The following RAD51B variants were observed in gnomAD, a reference collection of about 807,000 sequenced individuals.
RAD51B encodes the protein DNA repair protein RAD51 homolog 2.
A neutral mutation model predicts 42.2 loss-of-function variants in RAD51B; 38 were observed. The observed-to-expected ratio is 0.90, with a 90% CI of 0.70 to 1.18. The LOEUF is 1.18. Ranked by LOEUF, RAD51B falls within the 50% of genes most tolerant of loss-of-function variation. RAD51B has a pLI of 0.00. For synonymous variants in RAD51B, 154 were observed against 145.2 expected (o/e 1.06, Z -0.43); for missense variants, 373 against 400.7 (o/e 0.93, Z 0.59).
chr14:68,257,961 T>C (rs190858246), intron 7 of RAD51B, among the ~76,000 whole-genome samples: 9 of 152,340 alleles, frequency 5.9e-5, no homozygotes, highest in Admixed American at 5.9e-4. Flanking sequence ...CTGACATTTT[T>C]TGAACGCTTA....
intron 7 of RAD51B, among the ~76,000 whole-genome samples, chr14:68,244,974 C>A (rs2080465147): frequency 6.6e-6 from 1 of 152,154 alleles, no homozygotes; most frequent in African/African-American, 2.4e-5. Flanking sequence ...AGAAAAGCCC[C>A]ATGATGTTTC....
chr14:68,310,089 T>C (rs2139723086), intron 8 of RAD51B, among the ~76,000 whole-genome samples: 1 of 152,350 alleles, frequency 6.6e-6, no homozygotes, highest in East Asian at 1.9e-4. Context: ...GATATTCCTG[T>C]CTTCTATAAT....
At chr14:68,450,459 T>G (rs1179913431) in intron 9 of RAD51B, among the ~76,000 whole-genome samples, 1 of 152,136 alleles carries the variant, frequency 6.6e-6, no homozygotes, top group East Asian at 1.9e-4. Context: ...CCTCAGGTGA[T>G]CCACCCGCCT....
intron 10 of RAD51B, among the ~76,000 whole-genome samples, chr14:68,584,192 C>T (rs924356344): frequency 2.6e-5 from 4 of 152,154 alleles, no homozygotes; most frequent in Non-Finnish European, 5.9e-5. Flanking sequence ...CACTCCCTGA[C>T]TCTAATCCCC....
At chr14:68,525,714 A>G (rs1001967575) in intron 10 of RAD51B, among the ~76,000 whole-genome samples, 2 of 152,006 alleles carry the variant, frequency 1.3e-5, no homozygotes, top group African/African-American at 4.8e-5. Context: ...TTTCACACCC[A>G]CACTCGCCCC....
intron 7 of RAD51B, among the ~76,000 whole-genome samples, chr14:68,223,987 T>A (rs2079983697): frequency 6.6e-6 from 1 of 152,174 alleles, no homozygotes; most frequent in Admixed American, 6.5e-5. Context: ...CTCAGCCATG[T>A]TTTTTTGTTG....
chr14:68,297,859 A>G (rs2081644457), intron 8 of RAD51B, among the ~76,000 whole-genome samples: 1 of 152,238 alleles, frequency 6.6e-6, no homozygotes, highest in African/African-American at 2.4e-5. Context: ...AACAGAAGTC[A>G]GAGCCCCTCC....
intron 8 of RAD51B, among the ~76,000 whole-genome samples, chr14:68,315,520 T>C (rs1175335613): frequency 2.0e-5 from 3 of 152,068 alleles, no homozygotes; most frequent in Non-Finnish European, 4.4e-5. Context: ...TTTAGGTTTT[T>C]TTTCTTTTTT....
chr14:68,566,226 A>G (rs1889412171), intron 10 of RAD51B, among the ~76,000 whole-genome samples: 1 of 152,198 alleles, frequency 6.6e-6, no homozygotes. Context: ...CTCTGTCCTC[A>G]GAGTCTACAA....
At chr14:68,608,341 G>A (rs965948257) in intron 10 of RAD51B, among the ~76,000 whole-genome samples, 1 of 152,200 alleles carries the variant, frequency 6.6e-6, no homozygotes, top group Admixed American at 6.5e-5. Flanking sequence ...AAGAGGGGAA[G>A]TGCTGAGGGC....
chr14:67,850,041 A>C (rs2139940183), intron 4 of RAD51B, among the ~76,000 whole-genome samples: 1 of 152,278 alleles, frequency 6.6e-6, no homozygotes, highest in East Asian at 1.9e-4. Flanking sequence ...ACTCTTTTGC[A>C]CAGGCTGAAG....
At chr14:67,985,870 A>AC (rs2075180360) in intron 7 of RAD51B, among the ~76,000 whole-genome samples, 1 of 152,184 alleles carries the variant, frequency 6.6e-6, no homozygotes, top group African/African-American at 2.4e-5. Flanking sequence ...AGGTCGTGCC[A>AC]CTGCACTCCA....
rs906204903 is a variant in RAD51B at position 68,138,144 on chromosome 14, A to T, written c.757-153740A>T. 5.6e-3 allele frequency among the ~76,000 whole-genome samples: 847 copies of T among 151,160 alleles called. 9 individuals are homozygous for T. Among genetic ancestry groups the T allele is most frequent in the African/African-American group, 0.019 (799 of 41,130 alleles). ...AGCTGCAGGCAGATTCCCATTTAGT[A>T]TTTTTTTTTTCCAGGGCTCAGGTTG... On this transcript the variant is annotated intron_variant, in intron 7 of 10. Coordinates refer to ENST00000471583, the MANE Select transcript of RAD51B (RefSeq NM_133510.4).
At chr14:67,942,362 TA>T (rs1182643378) in intron 7 of RAD51B, among the ~76,000 whole-genome samples, 2 of 152,284 alleles carry the variant, frequency 1.3e-5, no homozygotes, top group South Asian at 2.1e-4. Flanking sequence ...TTCTAACAAA[TA>T]AACATATCCT....
intron 11 of RAD51B, among the ~76,000 whole-genome samples, chr14:68,678,056 A>G (rs973375122): frequency 2.4e-4 from 36 of 152,206 alleles, no homozygotes; most frequent in Admixed American, 6.5e-5. Flanking sequence ...CAACTTTAAG[A>G]GGTGGATATT....
At chr14:68,321,328 T>G (rs2082153760) in intron 8 of RAD51B, among the ~76,000 whole-genome samples, 2 of 152,218 alleles carry the variant, frequency 1.3e-5, no homozygotes, top group Non-Finnish European at 2.9e-5. Context: ...CACATTCCCC[T>G]GTCCTTTTCT....
In RAD51B at chr14:68,666,277, A is replaced by T. The variant is rs111688667; in HGVS notation, c.*11+15421A>T. Among the ~76,000 whole-genome samples, 414 of 152,334 alleles carry T rather than the reference A, an allele frequency of 2.7e-3. 1 individual carries two copies. The highest frequency in any genetic ancestry group is 9.3e-3 in the African/African-American group (388 of 41,582). On this transcript the variant is annotated intron_variant, in intron 11 of 11. Transcript: ENST00000488612. ...TATCTGATGCTGGCCCTAATTCTGG[A>T]TCTTTTTGTTGCATGGGCCATTGGA...
intron 1 of RAD51B, among the ~76,000 whole-genome samples, chr14:67,820,663 G>T (rs1195367813): frequency 6.6e-6 from 1 of 152,136 alleles, no homozygotes; most frequent in African/African-American, 2.4e-5. Flanking sequence ...GAAAAGACTT[G>T]ACTCTGGGGA....
downstream of RAD51B, among the ~76,000 whole-genome samples, chr14:68,599,346 ACAG>A (rs1369942844): frequency 6.6e-6 from 1 of 152,200 alleles, no homozygotes; most frequent in African/African-American, 2.4e-5. Context: ...TTCTCCAGCC[ACAG>A]CAGAAGTTGC....
Sources: gnomAD v4.1 joint callset for allele counts (sites outside exome capture counted in the v4.1 genomes callset) on GRCh38, gnomAD v4.1.1 for gene constraint, MANE v1.5 for transcripts, NCBI Gene and HGNC (gene_info 2026-07-23, HGNC 2026-07-21) for gene names.